CASK: variants seen among roughly 807,000 people sequenced by gnomAD.
CASK encodes the protein calcium/calmodulin dependent serine protein kinase, also known as peripheral plasma membrane protein CASK.
Under a neutral mutation model 82.9 loss-of-function variants are expected in CASK, and 4 were observed. The observed-to-expected ratio is 0.05, with a 90% CI of 0.02 to 0.11. The LOEUF (loss-of-function observed/expected upper bound fraction) is 0.11, where lower values mean the gene tolerates loss of function less well. Among genes scored for constraint, CASK ranks in the 10% least tolerant of loss-of-function variants. The pLI, the probability that CASK is intolerant of heterozygous loss-of-function variation, is 1.00. For missense variants in CASK, 358 were observed against 720.9 expected, an observed-to-expected ratio of 0.50 and a Z score of 5.76; for synonymous variants, 259 against 253.5, an observed-to-expected ratio of 1.02 and a Z score of -0.20.
intron 14 of CASK, among the ~76,000 whole-genome samples, chrX:41,580,841 GT>G (rs2065565369): frequency 8.9e-6 from 1 of 112,302 alleles, no homozygotes; most frequent in Non-Finnish European, 1.9e-5. Flanking sequence ...ATAGCTGTCA[GT>G]TTTAACTACG....
At chrX:41,679,158 C>T (rs2067312595) in intron 5 of CASK, among the ~76,000 whole-genome samples, 1 of 111,559 alleles carries the variant, frequency 9.0e-6, no homozygotes, top group African/African-American at 3.3e-5. Flanking sequence ...CTGTGAAATG[C>T]ACAAAAGCGT....
intron 24 of CASK, among the ~76,000 whole-genome samples, chrX:41,534,392 AACACACAC>A (rs56349527): frequency 0.014 from 1,257 of 91,204 alleles, 5 homozygotes; most frequent in African/African-American, 0.021. Context: ...TTTTATTTAA[AACACACAC>A]ACACACACAC....
At chrX:41,695,310 CTT>C (rs1331604938) in intron 5 of CASK, among the ~76,000 whole-genome samples, 14 of 87,679 alleles carry the variant, frequency 1.6e-4, no homozygotes, top group Admixed American at 1.3e-4. Flanking sequence ...TTTACACTGT[CTT>C]TTTTTTTTTT....
In CASK at chrX:41,711,668, T is replaced by C. The variant is rs140117643; in HGVS notation, c.429+27716A>G. The stretch of plus-strand genomic sequence containing the variant: ...CCCCGCCCCTCACCTATTTTACATA[T>C]ACCTACCCTTCCCTAATTGGTTTTC... On this transcript the variant is annotated intron_variant, in intron 5 of 26. Coordinates refer to ENST00000378163, the MANE Select transcript of CASK (RefSeq NM_001367721.1). 3.1e-3 allele frequency among the ~76,000 whole-genome samples: 341 copies of C among 111,201 alleles called. 1 individual carries two copies. Among genetic ancestry groups the C allele is most frequent in the African/African-American group, 0.011 (321 of 30,525 alleles).
intron 2 of CASK, among the ~76,000 whole-genome samples, chrX:41,828,349 G>C (rs759225264): frequency 2.7e-3 from 303 of 111,414 alleles, no homozygotes; most frequent in Middle Eastern, 4.6e-3. Context: ...CGACATGAGG[G>C]GAGAGGATCA....
intron 7 of CASK, among the ~76,000 whole-genome samples, chrX:41,664,215 C>A (rs764564922): frequency 8.9e-6 from 1 of 111,999 alleles, no homozygotes; most frequent in Non-Finnish European, 1.9e-5. Context: ...AAAGTATATA[C>A]CATTCTCATC....
Position 41,659,113 on chromosome X carries a change from TG to T in CASK, c.831+1325del, listed in dbSNP as rs751441396. ...ATGATGCAGGAAGGGAGGAAGTTGT[TG>T]GGTCAATGTGGTCAAATAAAAAGGG... On this transcript the variant is annotated intron_variant, in intron 8 of 26. Transcript: ENST00000378163. Among the ~76,000 whole-genome samples, 697 of 111,393 alleles carry T rather than the reference TG, an allele frequency of 6.3e-3. 9 individuals are homozygous for T. The highest frequency in any genetic ancestry group is 0.022 in the African/African-American group (671 of 30,653).
At chrX:41,804,075 C>G (rs1268765554) in intron 2 of CASK, among the ~76,000 whole-genome samples, 1 of 111,588 alleles carries the variant, frequency 9.0e-6, no homozygotes, top group Non-Finnish European at 1.9e-5. Flanking sequence ...TGGCCAGGCG[C>G]GGTGACTCAT....
chrX:41,907,828 G>A (rs1017565572), intron 1 of CASK, among the ~76,000 whole-genome samples: 4 of 111,305 alleles, frequency 3.6e-5, no homozygotes, highest in African/African-American at 1.3e-4. Flanking sequence ...GGACCGGGGT[G>A]GGGGTAGGGG....
chrX:41,665,145 C>A (rs983105503), intron 7 of CASK, 132 bp downstream of exon 7: 2 of 554,439 alleles, frequency 3.6e-6, no homozygotes, highest in African/African-American at 4.6e-5. Flanking sequence ...ATGATGTAAG[C>A]AAAGACCTTT....
chrX:41,751,525 G>C (rs1263934011), intron 3 of CASK, among the ~76,000 whole-genome samples: 1 of 109,601 alleles, frequency 9.1e-6, no homozygotes, highest in Non-Finnish European at 1.9e-5. Flanking sequence ...GGAAGAATGT[G>C]GGTTTTGGAA....
chrX:41,563,062 A>AAAAG (rs1569307753), intron 16 of CASK, among the ~76,000 whole-genome samples: 2 of 102,184 alleles, frequency 2.0e-5, no homozygotes, highest in African/African-American at 3.5e-5. Context: ...AAAAAAAAAA[A>AAAAG]AAAGAAAAGA....
chrX:41,922,878 C>A, intron 1 of CASK, 52 bp downstream of exon 1: 1 of 1,116,483 alleles, frequency 9.0e-7, no homozygotes, highest in Non-Finnish European at 1.2e-6. Flanking sequence ...AAGACCGGGG[C>A]ATCACTGAAA....
intron 5 of CASK, chrX:41,727,037 AT>A: frequency 8.8e-7 from 1 of 1,141,380 alleles, no homozygotes; most frequent in Non-Finnish European, 1.2e-6. Context: ...ATGAACAACA[AT>A]ACAACATGTA....
At chrX:41,850,610 T>G (rs921334838) in intron 2 of CASK, among the ~76,000 whole-genome samples, 1 of 112,412 alleles carries the variant, frequency 8.9e-6, no homozygotes, top group Non-Finnish European at 1.9e-5. Context: ...AGATATTATT[T>G]GAACTTATGG....
At chrX:41,741,007 C>T (rs946268410) in intron 4 of CASK, among the ~76,000 whole-genome samples, 2 of 111,600 alleles carry the variant, frequency 1.8e-5, no homozygotes, top group Non-Finnish European at 3.8e-5. Flanking sequence ...CTCAGCCTCC[C>T]AAGTAGCTGG....
intron 5 of CASK, chrX:41,727,843 T>C: frequency 2.5e-6 from 3 of 1,187,682 alleles, no homozygotes; most frequent in Non-Finnish European, 3.4e-6. Context: ...ACCCATTTTT[T>C]ATGTTCTACA....
intron 2 of CASK, among the ~76,000 whole-genome samples, chrX:41,811,656 C>A (rs1474838797): frequency 2.1e-5 from 2 of 96,077 alleles, no homozygotes; most frequent in South Asian, 4.7e-4. Flanking sequence ...AAAATTGACA[C>A]CCTAATATCA....
At chrX:41,693,530 C>A (rs2067619283) in intron 5 of CASK, among the ~76,000 whole-genome samples, 1 of 111,118 alleles carries the variant, frequency 9.0e-6, no homozygotes, top group Non-Finnish European at 1.9e-5. Context: ...AGGAGAATCG[C>A]TTGAAGCCAG....
Sources: gnomAD v4.1 joint callset for allele counts (sites outside exome capture counted in the v4.1 genomes callset) on GRCh38, gnomAD v4.1.1 for gene constraint, MANE v1.5 for transcripts, NCBI Gene and HGNC (gene_info 2026-07-23, HGNC 2026-07-21) for gene names.